The following ARHGAP24 variants were observed in gnomAD, a reference collection of about 807,000 sequenced individuals.
The protein encoded by ARHGAP24 is Rho GTPase activating protein 24, also known as rho GTPase-activating protein 24.
ARHGAP24 carries 50 observed loss-of-function variants against 76.4 expected under a neutral mutation model. That is an observed-to-expected ratio of 0.65 (90% CI 0.52 to 0.83). ARHGAP24 has a LOEUF of 0.83. Ranked by LOEUF, ARHGAP24 falls within the 40% of genes least tolerant of loss-of-function variation. The pLI is 0.00. For synonymous variants in ARHGAP24, 345 were observed against 323.3 expected, an observed-to-expected ratio of 1.07 and a Z score of -0.72; for missense variants, 930 against 914.2, an observed-to-expected ratio of 1.02 and a Z score of -0.22.
At chr4:85,975,276 G>A (rs1739256185) in intron 7 of ARHGAP24, among the ~76,000 whole-genome samples, 1 of 152,194 alleles carries the variant, frequency 6.6e-6, no homozygotes, top group Admixed American at 6.5e-5. Context: ...CTTGGCATGA[G>A]AAACATCTGC....
chr4:85,539,438 T>C (rs1013067448), intron 1 of ARHGAP24, among the ~76,000 whole-genome samples: 2 of 152,188 alleles, frequency 1.3e-5, no homozygotes, highest in Non-Finnish European at 2.9e-5. Context: ...GTTAAGAGAA[T>C]TATTTAACAC....
At chr4:85,521,007 T>C (rs1724721451) in intron 1 of ARHGAP24, among the ~76,000 whole-genome samples, 1 of 152,168 alleles carries the variant, frequency 6.6e-6, no homozygotes, top group Admixed American at 6.6e-5. Flanking sequence ...TTAGAAGTTA[T>C]TTTGTATGCA....
chr4:85,728,405 T>C (rs1246745429), intron 3 of ARHGAP24, among the ~76,000 whole-genome samples: 1 of 152,182 alleles, frequency 6.6e-6, no homozygotes, highest in Non-Finnish European at 1.5e-5. Flanking sequence ...ACTCTTTATC[T>C]CTATTTTAGC....
intron 1 of ARHGAP24, among the ~76,000 whole-genome samples, chr4:85,539,245 A>G (rs1474138659): frequency 6.6e-6 from 1 of 152,214 alleles, no homozygotes; most frequent in Non-Finnish European, 1.5e-5. Context: ...TCCATTTAGC[A>G]AATGAGAGAA....
Position 85,678,071 on chromosome 4 carries a change from A to T in ARHGAP24, c.181-43814A>T, listed in dbSNP as rs555672762. ...AAAAAAGAAAAAGGAAAAAAATTTT[A>T]AAAAAAGGCTATTCCTGGCCTGCCA... On this transcript the variant is annotated intron_variant, in intron 2 of 9. Coordinates refer to ENST00000395184, the MANE Select transcript of ARHGAP24 (RefSeq NM_001025616.3). Among the ~76,000 whole-genome samples, 41 of 151,762 alleles carry T rather than the reference A, an allele frequency of 2.7e-4. No homozygotes were observed. The South Asian group carries it at 6.2e-3, about 23-fold the overall frequency.
chr4:85,722,250 T>A, intron 3 of ARHGAP24: 1 of 379,338 alleles, frequency 2.6e-6, no homozygotes, highest in Non-Finnish European at 4.9e-6. Context: ...TCAGGACTAT[T>A]GGAGATGAAT....
chr4:85,834,392 G>T (rs531742540), intron 3 of ARHGAP24, among the ~76,000 whole-genome samples: 7 of 152,258 alleles, frequency 4.6e-5, no homozygotes, highest in Admixed American at 1.3e-4. Flanking sequence ...TTGCATAAAA[G>T]AATATTTTAA....
intron 2 of ARHGAP24, among the ~76,000 whole-genome samples, chr4:85,666,879 G>A (rs984865846): frequency 1.3e-5 from 2 of 152,164 alleles, no homozygotes; most frequent in African/African-American, 4.8e-5. Flanking sequence ...GGAGTACCCA[G>A]CCGTGTGAGA....
chr4:85,500,604 A>G (rs1723765769), intron 1 of ARHGAP24, among the ~76,000 whole-genome samples: 1 of 152,204 alleles, frequency 6.6e-6, no homozygotes, highest in Non-Finnish European at 1.5e-5. Flanking sequence ...TAACTAAGCA[A>G]AATATGTTGT....
intron 3 of ARHGAP24, among the ~76,000 whole-genome samples, chr4:85,920,360 A>G (rs1227241640): frequency 1.3e-5 from 2 of 152,160 alleles, no homozygotes; most frequent in African/African-American, 4.8e-5. Context: ...CCTCCCTTAT[A>G]CCATATACAA....
At chr4:85,628,296 A>C (rs1006532109) in intron 2 of ARHGAP24, among the ~76,000 whole-genome samples, 2 of 152,110 alleles carry the variant, frequency 1.3e-5, no homozygotes, top group African/African-American at 4.8e-5. Context: ...AATTTTCTGA[A>C]ATTTCTCCTG....
At chr4:85,640,053 A>T (rs1721469083) in intron 2 of ARHGAP24, among the ~76,000 whole-genome samples, 1 of 152,150 alleles carries the variant, frequency 6.6e-6, no homozygotes, top group South Asian at 2.1e-4. Flanking sequence ...CCCTGAAGAC[A>T]GAAATGGACT....
chr4:85,505,466 T>C (rs1173611372), intron 1 of ARHGAP24, among the ~76,000 whole-genome samples: 1 of 152,224 alleles, frequency 6.6e-6, no homozygotes, highest in East Asian at 1.9e-4. Context: ...TTTATTTTAT[T>C]AACTTGATCT....
chr4:85,987,143 T>C (rs1407628499), intron 8 of ARHGAP24, among the ~76,000 whole-genome samples: 2 of 152,004 alleles, frequency 1.3e-5, no homozygotes, highest in African/African-American at 2.4e-5. Flanking sequence ...ATCAAGTATA[T>C]CAAATATACC....
At chr4:85,659,703 T>C (rs1722308013) in intron 2 of ARHGAP24, among the ~76,000 whole-genome samples, 1 of 152,206 alleles carries the variant, frequency 6.6e-6, no homozygotes, top group African/African-American at 2.4e-5. Context: ...TCCTAATATA[T>C]TATAGTTCTT....
At chr4:85,485,377 ATATATATAT>A (rs1466938417) in intron 1 of ARHGAP24, among the ~76,000 whole-genome samples, 45 of 10,364 alleles carry the variant, frequency 4.3e-3, no homozygotes, top group East Asian at 0.016. Flanking sequence ...AAAAAAAAAA[ATATATATAT>A]ATATATATAT....
At position 85,487,445 on chromosome 4, in the gene ARHGAP24, T is replaced by C. The variant is rs1454217852; in HGVS notation, c.-21+11886T>C. Among the ~76,000 whole-genome samples, 12 of 76,044 alleles carry C rather than the reference T, an allele frequency of 1.6e-4. 1 individual carries two copies. Among genetic ancestry groups the C allele is most frequent in the Admixed American group, 7.6e-4 (4 of 5,280 alleles). 49.9% of individuals were successfully genotyped at this position (76,044 alleles called of 152,430 possible). ...TTATATAAATATATAAATATATATTTATTATATATTATATAAACATATATT... is the reference window on the plus strand; with the variant it reads ...TTATATAAATATATAAATATATATTCATTATATATTATATAAACATATATT... On this transcript the variant is annotated intron_variant, in intron 1 of 9. Transcript: ENST00000395184.
At chr4:85,831,901 A>T (rs1176868065) in intron 3 of ARHGAP24, among the ~76,000 whole-genome samples, 1 of 36,504 alleles carries the variant, frequency 2.7e-5, no homozygotes, top group Non-Finnish European at 4.3e-5. Context: ...GACTCTATCT[A>T]AAAAAAAAAA....
chr4:85,938,449 C>T (rs781532526), intron 4 of ARHGAP24, among the ~76,000 whole-genome samples: 2 of 152,150 alleles, frequency 1.3e-5, no homozygotes, highest in African/African-American at 4.8e-5. Flanking sequence ...AGTTTCACTG[C>T]TCCCTCAAGG....
Sources: gnomAD v4.1 joint callset for allele counts (sites outside exome capture counted in the v4.1 genomes callset) on GRCh38, gnomAD v4.1.1 for gene constraint, MANE v1.5 for transcripts, NCBI Gene and HGNC (gene_info 2026-07-23, HGNC 2026-07-21) for gene names.